Variants in FAM227B observed in about 807,000 individuals in gnomAD.
FAM227B encodes the protein family with sequence similarity 227 member B, also known as protein FAM227B.
A neutral mutation model predicts 73.8 loss-of-function variants in FAM227B; 88 were observed. The ratio of observed to expected loss-of-function variants is 1.19; its 90% CI spans 1.00 to 1.42. FAM227B has a LOEUF of 1.42. FAM227B is among the 40% of genes most tolerant of loss of function. The probability of loss-of-function intolerance (pLI) is 0.00; values close to 1 mark genes in which losing one functional copy is unlikely to be tolerated. For missense variants in FAM227B, 632 were observed against 590.9 expected, an observed-to-expected ratio of 1.07 and a Z score of -0.72; for synonymous variants, 210 against 190.5, an observed-to-expected ratio of 1.10 and a Z score of -0.84.
At chr15:49,356,480 AC>A (rs1349074725) in intron 13 of FAM227B, among the ~76,000 whole-genome samples, 81 of 149,898 alleles carry the variant, frequency 5.4e-4, no homozygotes, top group Non-Finnish European at 2.7e-4. Flanking sequence ...ATCAAAAGAG[AC>A]AAAGAAGGCC....
chr15:49,472,977 A>T (rs2054917000), intron 11 of FAM227B, among the ~76,000 whole-genome samples: 1 of 152,166 alleles, frequency 6.6e-6, no homozygotes, highest in South Asian at 2.1e-4. Context: ...TTATAAACAG[A>T]ATTAAAGTGG....
intron 11 of FAM227B, among the ~76,000 whole-genome samples, chr15:49,476,332 T>C (rs2055318664): frequency 6.6e-6 from 1 of 151,712 alleles, no homozygotes; most frequent in Non-Finnish European, 1.5e-5. Context: ...ATATATTTAT[T>C]AATATCCAGA....
In FAM227B at chr15:49,615,106, T is replaced by C; in HGVS notation, c.51+15A>G. The C allele has an allele frequency of 6.2e-7, 1 of 1,611,562 alleles. No homozygotes were observed. The highest frequency in any genetic ancestry group is 2.2e-5 in the East Asian group (1 of 44,868). On this transcript the variant is annotated intron_variant, in intron 2 of 15. Coordinates refer to ENST00000299338, the MANE Select transcript of FAM227B (RefSeq NM_152647.3). ...ACCTTTGTAAGTGAACATAAAGCTG[T>C]GGAAGCTTCCTTACCCCGGGGCCAG...
At chr15:49,556,687 C>T (rs2073731861) in intron 9 of FAM227B, among the ~76,000 whole-genome samples, 1 of 152,168 alleles carries the variant, frequency 6.6e-6, no homozygotes, top group Admixed American at 6.5e-5. Context: ...GCACTCAGGT[C>T]AGACTGGCCC....
intron 10 of FAM227B, among the ~76,000 whole-genome samples, chr15:49,523,026 CTT>C (rs1783299585): frequency 1.4e-5 from 1 of 72,074 alleles, no homozygotes; most frequent in Non-Finnish European, 2.6e-5. Flanking sequence ...CTCAGACTCT[CTT>C]TCTTTTACTC....
intron 5 of FAM227B, 24 bp from the exon 6 acceptor site, chr15:49,577,688 C>A (rs747394393): frequency 5.5e-5 from 79 of 1,431,454 alleles, no homozygotes; most frequent in Non-Finnish European, 7.5e-5. Flanking sequence ...TAAATAAACT[C>A]TTTAAAACTC....
At chr15:49,499,194 G>GGGCATTAC (rs1487949977) in intron 11 of FAM227B, among the ~76,000 whole-genome samples, 2 of 146,234 alleles carry the variant, frequency 1.4e-5, no homozygotes, top group East Asian at 4.1e-4. Context: ...AAAAAAAGAA[G>GGGCATTAC]GGCATTACAT....
chr15:49,589,012 T>C (rs2076364729), intron 4 of FAM227B, among the ~76,000 whole-genome samples: 1 of 151,860 alleles, frequency 6.6e-6, no homozygotes, highest in Admixed American at 6.6e-5. Flanking sequence ...ATATGACAAA[T>C]TTGCCCATTA....
chr15:49,534,886 C>T (rs7178468), intron 10 of FAM227B, among the ~76,000 whole-genome samples: 48,325 of 150,978 alleles, frequency 0.32, 8,337 homozygotes, highest in African/African-American at 0.43. Context: ...AAAGAAAAAT[C>T]GGAACAAAGG....
At chr15:49,620,480 A>G (rs2078631142) in intron 1 of FAM227B, among the ~76,000 whole-genome samples, 1 of 152,194 alleles carries the variant, frequency 6.6e-6, no homozygotes, top group African/African-American at 2.4e-5. Flanking sequence ...AAGTGGAAAA[A>G]CACAAAGTAC....
intron 13 of FAM227B, among the ~76,000 whole-genome samples, chr15:49,359,085 A>C (rs996835831): frequency 1.3e-5 from 2 of 152,098 alleles, no homozygotes; most frequent in African/African-American, 4.8e-5. Context: ...ACAAAAATCA[A>C]TTCAAGATAG....
At chr15:49,581,748 AC>A (rs1405526654) in intron 5 of FAM227B, among the ~76,000 whole-genome samples, 3 of 152,240 alleles carry the variant, frequency 2.0e-5, no homozygotes, top group Non-Finnish European at 4.4e-5. Flanking sequence ...TTACCAACAG[AC>A]CTGCTTTGTA....
intron 11 of FAM227B, among the ~76,000 whole-genome samples, chr15:49,385,842 GA>G (rs2046851413): frequency 2.0e-5 from 3 of 151,834 alleles, no homozygotes; most frequent in Admixed American, 2.0e-4. Context: ...AAGTGAGCAG[GA>G]GTAGCTATTC....
At chr15:49,422,584 G>T in intron 11 of FAM227B, 2 of 1,283,636 alleles carry the variant, frequency 1.6e-6, no homozygotes, top group Non-Finnish European at 2.1e-6. Flanking sequence ...GCACCATAGA[G>T]GCATTAGACC....
intron 11 of FAM227B, among the ~76,000 whole-genome samples, chr15:49,469,271 G>C (rs2054529039): frequency 6.6e-6 from 1 of 152,064 alleles, no homozygotes; most frequent in African/African-American, 2.4e-5. Flanking sequence ...TTCTTGGTTA[G>C]AGATAATTAT....
At chr15:49,605,577 G>A (rs9920427) in intron 3 of FAM227B, among the ~76,000 whole-genome samples, 4 of 151,958 alleles carry the variant, frequency 2.6e-5, no homozygotes, top group African/African-American at 9.7e-5. Flanking sequence ...CTGGACTTGT[G>A]GGGTTTGGCT....
chr15:49,601,841 C>G (rs2077224397), intron 3 of FAM227B, among the ~76,000 whole-genome samples: 1 of 152,148 alleles, frequency 6.6e-6, no homozygotes, highest in South Asian at 2.1e-4. Flanking sequence ...TCTCTATTTC[C>G]ATGAGTTCAA....
At chr15:49,525,054 AAGACTTTGAGGGACTGTT>A (rs2060058173) in intron 10 of FAM227B, among the ~76,000 whole-genome samples, 2 of 152,128 alleles carry the variant, frequency 1.3e-5, no homozygotes, top group Non-Finnish European at 2.9e-5. Context: ...GAAATGAGTT[AAGACTTTGAGGGACTGTT>A]GGGAAGGCAT....
chr15:49,382,756 T>G lies in FAM227B; in HGVS notation c.1013-11357A>C, dbSNP rs535636887. Among the ~76,000 whole-genome samples the G allele has an allele frequency of 4.6e-5, 7 of 152,212 alleles. No individual in the cohort carries two copies. The East Asian group carries it at 1.3e-3, about 29-fold the overall frequency. ...ACTGTGAAGATTCCCAGCTAGCTATTCTTGTTACTAGGGTAAGATGGAGCT... is the reference window on the plus strand; with the variant it reads ...ACTGTGAAGATTCCCAGCTAGCTATGCTTGTTACTAGGGTAAGATGGAGCT... On this transcript the variant is annotated intron_variant, in intron 11 of 15. Coordinates refer to ENST00000299338, the MANE Select transcript of FAM227B (RefSeq NM_152647.3).
Sources: allele counts gnomAD v4.1 joint callset (sites outside exome capture counted in the v4.1 genomes callset), GRCh38; gene constraint gnomAD v4.1.1; transcripts MANE v1.5; gene names NCBI Gene and HGNC (gene_info 2026-07-23, HGNC 2026-07-21).